The following PTPRB variants were observed in gnomAD, a reference collection of about 807,000 sequenced individuals.
PTPRB encodes the protein receptor-type tyrosine-protein phosphatase beta.
PTPRB carries 97 observed loss-of-function variants against 238.1 expected under a neutral mutation model. The ratio of observed to expected loss-of-function variants is 0.41; its 90% CI spans 0.35 to 0.48. The LOEUF is 0.48. Ranked by LOEUF, PTPRB falls within the 20% of genes least tolerant of loss-of-function variation. The probability of loss-of-function intolerance (pLI) is 0.30; values close to 1 mark genes in which losing one functional copy is unlikely to be tolerated. For synonymous variants in PTPRB, 970 were observed against 995.4 expected, an observed-to-expected ratio of 0.97 and a Z score of 0.48; for missense variants, 2,292 against 2,681.9, an observed-to-expected ratio of 0.85 and a Z score of 3.21.
chr12:70,612,404 C>T (rs1050452070), intron 3 of PTPRB, among the ~76,000 whole-genome samples: 3 of 152,258 alleles, frequency 2.0e-5, no homozygotes, highest in Admixed American at 6.5e-5. Context: ...TTATTTGAAA[C>T]TACTGGACAA....
chr12:70,610,007 G>T (rs1451743009), intron 3 of PTPRB, among the ~76,000 whole-genome samples: 1 of 151,950 alleles, frequency 6.6e-6, no homozygotes, highest in African/African-American at 2.4e-5. Flanking sequence ...CCCCGGGCGG[G>T]CTGCGGACGC....
intron 2 of PTPRB, among the ~76,000 whole-genome samples, chr12:70,622,918 A>G (rs1358138631): frequency 6.7e-6 from 1 of 148,898 alleles, no homozygotes; most frequent in Non-Finnish European, 1.5e-5. Flanking sequence ...GCTGTGTAGA[A>G]AAGAGAATTA....
rs368470501 is a variant in PTPRB, at chr12:70,596,284, C to T, written c.1023G>A (p.Thr341=). The T allele has an allele frequency of 8.5e-5, 136 of 1,608,896 alleles. No homozygotes were observed. The African/African-American group carries it at 1.6e-3, about 19-fold the overall frequency. The change falls in exon 5 of 34, where the codon ACG becomes ACA. Residue 341 remains threonine, a synonymous_variant. Transcript: ENST00000334414. ...ACCAAACATGCAAGCTGGTTGAAGT[C>T]GTCTTCTCTTTACTGACTCCAAACC... The part of the protein sequence containing the change: ...PARFGVSKEK[T]TSTSLHVWWT...
chr12:70,583,828 A>G (rs1881624670), intron 9 of PTPRB, among the ~76,000 whole-genome samples: 6 of 152,166 alleles, frequency 3.9e-5, no homozygotes, highest in African/African-American at 1.2e-4. Flanking sequence ...ACCTTCAAAC[A>G]TGGCCTTAAA....
chr12:70,572,971 AAGAATATATACAGG>A (rs1345766684), intron 11 of PTPRB, among the ~76,000 whole-genome samples: 1 of 151,988 alleles, frequency 6.6e-6, no homozygotes, highest in Non-Finnish European at 1.5e-5. Flanking sequence ...CCACGTGTAG[AAGAATATATACAGG>A]AGACTGGATA....
intron 4 of PTPRB, among the ~76,000 whole-genome samples, chr12:70,599,402 T>C (rs1041680644): frequency 1.3e-5 from 2 of 152,194 alleles, no homozygotes; most frequent in Non-Finnish European, 2.9e-5. Context: ...TGTGCATTTA[T>C]AGCCTCTGGT....
At chr12:70,636,362 G>C (rs1885692435) in intron 1 of PTPRB, among the ~76,000 whole-genome samples, 1 of 151,360 alleles carries the variant, frequency 6.6e-6, no homozygotes, top group African/African-American at 2.4e-5. Context: ...AGGAAGCTTG[G>C]AAAGAAACAA....
rs146593943 is a variant in PTPRB at position 70,572,596 on chromosome 12, C to T, written c.2843-509G>A. Among the ~76,000 whole-genome samples the T allele has an allele frequency of 1.2e-3, 178 of 151,626 alleles. 2 individuals carry two copies. The highest frequency in any genetic ancestry group is 4.2e-3 in the African/African-American group (172 of 41,344). On this transcript the variant is annotated intron_variant, in intron 11 of 33. Coordinates refer to ENST00000334414, the MANE Select transcript of PTPRB (RefSeq NM_001109754.4). ...CAGCCTGGCCAACATGGTGAAACCCCGTCTCTACTAAAAAATACAAAAATT... is the reference window on the plus strand; with the variant it reads ...CAGCCTGGCCAACATGGTGAAACCCTGTCTCTACTAAAAAATACAAAAATT...
At chr12:70,528,475 TA>T (rs1298278989) in intron 32 of PTPRB, among the ~76,000 whole-genome samples, 1 of 134,448 alleles carries the variant, frequency 7.4e-6, no homozygotes, top group Non-Finnish European at 1.6e-5. Flanking sequence ...TTAGCAGGGC[TA>T]ATGAGAGTTG....
intron 3 of PTPRB, 81 bp from the exon 4 acceptor site, chr12:70,609,420 A>G (rs1884248004): frequency 2.0e-6 from 3 of 1,505,538 alleles, no homozygotes; most frequent in Admixed American, 3.9e-5. Context: ...TCCTCAAGCC[A>G]CACTTTCTCC....
At chr12:70,609,960 GC>G (rs2136546175) in intron 3 of PTPRB, 4 of 525,036 alleles carry the variant, frequency 7.6e-6, no homozygotes, top group Non-Finnish European at 1.2e-5. Flanking sequence ...ACGCGCAGGG[GC>G]CACTGCGGCC....
chr12:70,555,386 G>T, intron 19 of PTPRB, 77 bp from the exon 20 acceptor site: 2 of 1,349,416 alleles, frequency 1.5e-6, no homozygotes, highest in South Asian at 1.3e-5. Flanking sequence ...TTAGTGAAAT[G>T]AAGGATTCTG....
chr12:70,543,395 C>G (rs1875476164), intron 22 of PTPRB, among the ~76,000 whole-genome samples: 2 of 152,130 alleles, frequency 1.3e-5, no homozygotes, highest in Non-Finnish European at 2.9e-5. Flanking sequence ...TACTGTCTTC[C>G]TGTACTGGAC....
intron 22 of PTPRB, among the ~76,000 whole-genome samples, chr12:70,543,959 A>G (rs1875564815): frequency 6.6e-6 from 1 of 152,230 alleles, no homozygotes; most frequent in South Asian, 2.1e-4. Context: ...CTATGTCTCC[A>G]TAGAGAAGGT....
rs571263849 is a variant in PTPRB at position 70,572,845 on chromosome 12, A to G, written c.2843-758T>C. Among the ~76,000 whole-genome samples, 4 of 152,044 alleles carry G rather than the reference A, an allele frequency of 2.6e-5. No homozygotes were observed. The South Asian group carries it at 8.3e-4, about 32-fold the overall frequency. On this transcript the variant is annotated intron_variant, in intron 11 of 33. Transcript: ENST00000334414. Reference sequence around the variant, plus strand: ...AGAAGAAACACATATGGTTATTTGCATAATAAATGAAGAGATTTTCCACAT... The same window carrying G: ...AGAAGAAACACATATGGTTATTTGCGTAATAAATGAAGAGATTTTCCACAT...
Position 70,622,465 on chromosome 12 carries a change from A to G in PTPRB, c.633T>C (p.Asn211=). The G allele has an allele frequency of 3.7e-6, 6 of 1,613,344 alleles. No homozygotes were observed. Among genetic ancestry groups the G allele is most frequent in the Non-Finnish European group, 5.1e-6 (6 of 1,179,676 alleles). ...SQNSSERQHP[N]LHMTGITDTS... is the part of the protein sequence containing the mutation. ...TGTCTGTAATTCCAGTCATGTGCAGATTGGGATGCTGCCTCTCGCTGCTGT... is the reference window on the plus strand; with the variant it reads ...TGTCTGTAATTCCAGTCATGTGCAGGTTGGGATGCTGCCTCTCGCTGCTGT... Residue 211 remains asparagine (N), a synonymous_variant, in exon 3 of 34, where the codon AAT becomes AAC. Transcript: ENST00000334414.
At chr12:70,583,404 T>C (rs967749041) in intron 9 of PTPRB, among the ~76,000 whole-genome samples, 2 of 152,140 alleles carry the variant, frequency 1.3e-5, no homozygotes, top group African/African-American at 4.8e-5. Context: ...AGAGAGGTAA[T>C]TGGATCATAA....
intron 32 of PTPRB, among the ~76,000 whole-genome samples, chr12:70,531,104 A>ATATT (rs1565903979): frequency 6.6e-6 from 1 of 152,080 alleles, no homozygotes; most frequent in Non-Finnish European, 1.5e-5. Context: ...TGAATGCAGG[A>ATATT]TATTAATATG....
intron 18 of PTPRB, chr12:70,558,847 A>C: frequency 1.2e-5 from 2 of 164,690 alleles, no homozygotes; most frequent in Non-Finnish European, 2.7e-5. Context: ...CTTTTATGCT[A>C]TGGCCAAATA....
Sources: gnomAD v4.1 joint callset for allele counts (sites outside exome capture counted in the v4.1 genomes callset) on GRCh38, gnomAD v4.1.1 for gene constraint, MANE v1.5 for transcripts, NCBI Gene and HGNC (gene_info 2026-07-23, HGNC 2026-07-21) for gene names.